The following ARHGAP11A variants were observed in gnomAD, a reference collection of about 807,000 sequenced individuals.
The protein encoded by ARHGAP11A is rho GTPase-activating protein 11A.
In ARHGAP11A, 36 loss-of-function variants were observed where a neutral mutation model predicts 60.5. The ratio of observed to expected loss-of-function variants is 0.59; its 90% CI spans 0.46 to 0.79. ARHGAP11A has a LOEUF of 0.79. Ranked by LOEUF, ARHGAP11A falls within the 30% of genes least tolerant of loss-of-function variation. ARHGAP11A has a pLI of 0.00. For missense variants in ARHGAP11A, 1,071 were observed against 1,199.2 expected, an observed-to-expected ratio of 0.89 and a Z score of 1.58; for synonymous variants, 362 against 415.5, an observed-to-expected ratio of 0.87 and a Z score of 1.57.
At position 32,624,318 on chromosome 15, in the gene ARHGAP11A, G is replaced by C. The variant is rs765648271; in HGVS notation, c.443G>C (p.Gly148Ala). ...HEALLKAQQL[G>A]TEEKNKATLL... ...GCACTTTTGAAAGCTCAACAGTTAG[G>C]CACAGAGGAAAAGAATAAAGCTACA... The change falls in exon 4 of 12, where the codon GGC (glycine) becomes GCC (alanine). Residue 148 changes from glycine to alanine, a missense_variant. By Grantham distance (60) the Gly-to-Ala change is moderately conservative (BLOSUM62 0). Around this residue, in one of 4 missense-constraint regions of ARHGAP11A, gnomAD observed 196 missense variants for 272.1 expected, o/e 0.72. Transcript: ENST00000361627. 1 of 1,613,850 alleles carries C rather than the reference G, an allele frequency of 6.2e-7. No individual in the cohort carries two copies. Among genetic ancestry groups the C allele is most frequent in the Non-Finnish European group, 8.5e-7 (1 of 1,179,858 alleles).
intron 9 of ARHGAP11A, among the ~76,000 whole-genome samples, chr15:32,633,651 A>G (rs1567058244): frequency 1.3e-5 from 2 of 152,158 alleles, no homozygotes; most frequent in African/African-American, 4.8e-5. Context: ...TCAAAAAATA[A>G]AAAACAAAGA....
Position 32,624,061 on chromosome 15 carries a change from A to C in ARHGAP11A, c.298-112A>C, listed in dbSNP as rs528169367. On this transcript the variant is annotated intron_variant, in intron 3 of 11. Transcript: ENST00000361627. ...AAGTAGTGACATATATTAAAATAAG[A>C]GTTAAGAGAAATTTATTAAAGAAAA... The C allele has an allele frequency of 1.2e-3, 1,221 of 1,035,928 alleles. 5 individuals carry two copies. Among genetic ancestry groups the C allele is most frequent in the South Asian group, 8.4e-3 (522 of 62,118 alleles). 64.2% of individuals were successfully genotyped at this position (1,035,928 alleles called of 1,614,324 possible). A position where few individuals can be genotyped will look rare whatever the true frequency, so the allele number is the denominator to read the frequency against.
intron 2 of ARHGAP11A, among the ~76,000 whole-genome samples, chr15:32,622,961 A>G (rs1442433611): frequency 6.6e-6 from 1 of 151,814 alleles, no homozygotes; most frequent in East Asian, 1.9e-4. Context: ...GAGAAGGAGC[A>G]GGCAGGGAGA....
At chr15:32,621,523 T>G (rs1010902268) in intron 2 of ARHGAP11A, among the ~76,000 whole-genome samples, 4 of 152,414 alleles carry the variant, frequency 2.6e-5, no homozygotes, top group Middle Eastern at 3.4e-3. Context: ...TAGGAAAGTT[T>G]ATGTTTTAAG....
At chr15:32,631,415 C>G (rs1361573016) in intron 8 of ARHGAP11A, among the ~76,000 whole-genome samples, 3 of 151,960 alleles carry the variant, frequency 2.0e-5, no homozygotes, top group Non-Finnish European at 4.4e-5. Context: ...CCTGCCTCAG[C>G]CTCCCAGGTA....
At chr15:32,628,235 A>T (rs1055708842) in intron 6 of ARHGAP11A, among the ~76,000 whole-genome samples, 2 of 152,230 alleles carry the variant, frequency 1.3e-5, no homozygotes, top group African/African-American at 4.8e-5. Flanking sequence ...TTGCTCTAGC[A>T]TACCTGTCTA....
chr15:32,634,083 C>T lies in ARHGAP11A; in HGVS notation c.1344+42C>T, dbSNP rs371171762. ...TTTATTGATCTTTATATTAGCATAACGCTATAAACTTGATACTAAAAAACA... is the reference window on the plus strand; with the variant it reads ...TTTATTGATCTTTATATTAGCATAATGCTATAAACTTGATACTAAAAAACA... On this transcript the variant is annotated intron_variant, in intron 10 of 11. Transcript: ENST00000361627. 2.5e-5 allele frequency: 34 copies of T among 1,361,788 alleles called. No homozygotes were observed. The South Asian group carries it at 2.5e-4, about 10-fold the overall frequency. 84.4% of individuals were successfully genotyped at this position (1,361,788 alleles called of 1,614,324 possible).
At chr15:32,636,059 A>ATT in intron 11 of ARHGAP11A, 144 bp downstream of exon 11, 1 of 1,378,032 alleles carries the variant, frequency 7.3e-7, no homozygotes, top group Non-Finnish European at 9.4e-7. Context: ...TTGGCAATGT[A>ATT]TTTTTCTATC....
rs1489008372 is a variant in ARHGAP11A at position 32,624,229 on chromosome 15, G to A, written c.354G>A (p.Ala118=). The part of the protein sequence containing the change: ...CLSSAPPCDI[A]GLLKQFFREL... ...CTTCTGCACCTCCTTGTGATATTGC[G>A]GGACTTCTTAAGCAGTTTTTTAGGG... The change falls in exon 4 of 12, where the codon GCG becomes GCA. Residue 118 remains alanine, a synonymous_variant. Coordinates refer to ENST00000361627, the MANE Select transcript of ARHGAP11A (RefSeq NM_014783.6). 6.8e-6 allele frequency: 11 copies of A among 1,612,192 alleles called. No individual in the cohort carries two copies. The highest frequency in any genetic ancestry group is 5.5e-5 in the South Asian group (5 of 91,044).
At chr15:32,635,995 A>G in intron 11 of ARHGAP11A, 80 bp downstream of exon 11, 1 of 1,482,698 alleles carries the variant, frequency 6.7e-7, no homozygotes, top group Non-Finnish European at 9.0e-7. Context: ...CATATTAATT[A>G]ATTTACTGTT....
chr15:32,633,019 A>G lies in ARHGAP11A; in HGVS notation c.1146A>G (p.Ser382=). ...GCTCAGAAGGGTCATCTCAGAGTTCACTCTCTCCTGTACTCATTGGTGGAA... is the reference window on the plus strand; with the variant it reads ...GCTCAGAAGGGTCATCTCAGAGTTCGCTCTCTCCTGTACTCATTGGTGGAA... The part of the protein sequence containing the change: ...DTSSEGSSQS[S]LSPVLIGGNH... The change falls in exon 9 of 12, where the codon TCA becomes TCG. Residue 382 remains serine, a synonymous_variant. Transcript: ENST00000361627. The G allele has an allele frequency of 1.2e-6, 2 of 1,613,760 alleles. No individual in the cohort carries two copies. Among genetic ancestry groups the G allele is most frequent in the Non-Finnish European group, 1.7e-6 (2 of 1,179,820 alleles).
In ARHGAP11A at chr15:32,636,817, T is replaced by G; in HGVS notation, c.2044T>G (p.Phe682Val). 1.9e-6 allele frequency: 3 copies of G among 1,608,208 alleles called. No individual in the cohort carries two copies. The highest frequency in any genetic ancestry group is 2.5e-6 in the Non-Finnish European group (3 of 1,178,652). ...RDFSPLQTQTFNRETTIKCYS... is the reference protein window; with the variant it reads ...RDFSPLQTQTVNRETTIKCYS... ...CTTTTCACCCCTTCAAACTCAAACATTTAATAGAGAAACAACTATAAAATG... is the reference window on the plus strand; with the variant it reads ...CTTTTCACCCCTTCAAACTCAAACAGTTAATAGAGAAACAACTATAAAATG... Residue 682 changes from phenylalanine (F) to valine (V), a missense_variant, in exon 12 of 12, where the codon TTT becomes GTT. Physicochemically the swap from Phe to Val is conservative, Grantham distance 50. Around this residue, in one of 4 missense-constraint regions of ARHGAP11A, gnomAD observed 776 missense variants for 760.2 expected, o/e 1.02. Coordinates refer to ENST00000361627, the MANE Select transcript of ARHGAP11A (RefSeq NM_014783.6).
At chr15:32,633,175 T>C in intron 9 of ARHGAP11A, 67 bp downstream of exon 9, 1 of 1,548,670 alleles carries the variant, frequency 6.5e-7, no homozygotes, top group Non-Finnish European at 8.8e-7. Flanking sequence ...TAATAAAATG[T>C]TTTGTCTTTC....
At chr15:32,632,515 G>T (rs191944591) in intron 8 of ARHGAP11A, among the ~76,000 whole-genome samples, 13 of 152,184 alleles carry the variant, frequency 8.5e-5, no homozygotes, top group Admixed American at 2.0e-4. Context: ...TTTGCCAATA[G>T]CTTATTTTTT....
At chr15:32,622,973 A>G (rs943204758) in intron 2 of ARHGAP11A, among the ~76,000 whole-genome samples, 1 of 151,648 alleles carries the variant, frequency 6.6e-6, no homozygotes, top group Non-Finnish European at 1.5e-5. Flanking sequence ...GCAGGGAGAT[A>G]GCAGGAAAAC....
intron 11 of ARHGAP11A, 114 bp from the exon 12 acceptor site, chr15:32,636,143 A>T: frequency 2.8e-6 from 4 of 1,429,008 alleles, no homozygotes; most frequent in Non-Finnish European, 1.8e-6. Flanking sequence ...ATTTCTTGTA[A>T]CACAAATACT....
Position 32,636,549 on chromosome 15 carries a change from C to A in ARHGAP11A, c.1776C>A (p.Thr592=). Residue 592 remains threonine, a synonymous_variant, in exon 12 of 12, where the codon ACC becomes ACA. Coordinates refer to ENST00000361627, the MANE Select transcript of ARHGAP11A (RefSeq NM_014783.6). ...TTAGCGGGGATGAAAATAACATGACCAAAGAGACTTTGGTGAAAGTTCAAA... is the reference window on the plus strand; with the variant it reads ...TTAGCGGGGATGAAAATAACATGACAAAAGAGACTTTGGTGAAAGTTCAAA... The part of the protein sequence containing the change: ...SPLSGDENNM[T]KETLVKVQKA... 1.9e-6 allele frequency: 3 copies of A among 1,614,046 alleles called. No homozygotes were observed. Among genetic ancestry groups the A allele is most frequent in the Non-Finnish European group, 2.5e-6 (3 of 1,179,966 alleles).
chr15:32,632,119 A>G (rs1016693208), intron 8 of ARHGAP11A, among the ~76,000 whole-genome samples: 3 of 152,220 alleles, frequency 2.0e-5, no homozygotes, highest in Non-Finnish European at 2.9e-5. Context: ...CCGTTTTCAT[A>G]ATTGAAAAAA....
chr15:32,622,746 C>G (rs1190933507), intron 2 of ARHGAP11A, among the ~76,000 whole-genome samples: 1 of 151,796 alleles, frequency 6.6e-6, no homozygotes, highest in African/African-American at 2.4e-5. Flanking sequence ...TATGAAAAGG[C>G]TTGTAAGGAC....
Sources: allele counts gnomAD v4.1 joint callset (sites outside exome capture counted in the v4.1 genomes callset), GRCh38; gene constraint gnomAD v4.1.1; regional missense constraint gnomAD v4.1.1; transcripts MANE v1.5; gene names NCBI Gene and HGNC (gene_info 2026-07-23, HGNC 2026-07-21).